The following RELN variants were observed in gnomAD, a reference collection of about 807,000 sequenced individuals.
The protein encoded by RELN is reelin.
In RELN, 108 loss-of-function variants were observed where a neutral mutation model predicts 427.6. The observed-to-expected ratio is 0.25, with a 90% CI of 0.22 to 0.30. RELN has a LOEUF of 0.30. Ranked by LOEUF, RELN falls within the 10% of genes least tolerant of loss-of-function variation. The pLI is 1.00. For missense variants in RELN, 3,715 were observed against 4,302.8 expected (o/e 0.86, Z 3.82); for synonymous variants, 1,524 against 1,513.4 (o/e 1.01, Z -0.16).
At chr7:103,919,883 G>A (rs1038311855) in intron 1 of RELN, among the ~76,000 whole-genome samples, 1 of 152,154 alleles carries the variant, frequency 6.6e-6, no homozygotes, top group African/African-American at 2.4e-5. Flanking sequence ...AAAAACTGAG[G>A]TTCACACTTG....
chr7:103,915,358 T>G (rs1008402309), intron 2 of RELN, among the ~76,000 whole-genome samples: 2 of 152,196 alleles, frequency 1.3e-5, no homozygotes, highest in African/African-American at 2.4e-5. Context: ...TGCCAGCCCC[T>G]AGCAAGGTTT....
At chr7:103,781,360 T>A (rs1437430313) in intron 3 of RELN, among the ~76,000 whole-genome samples, 1 of 152,116 alleles carries the variant, frequency 6.6e-6, no homozygotes, top group Non-Finnish European at 1.5e-5. Flanking sequence ...TAAATATATA[T>A]TATATATTCC....
chr7:103,658,689 CATTTTT>C (rs1387723195), intron 12 of RELN, among the ~76,000 whole-genome samples: 1 of 151,984 alleles, frequency 6.6e-6, no homozygotes, highest in Admixed American at 6.6e-5. Context: ...TTCAGTGACA[CATTTTT>C]ATTTTTATTT....
intron 6 of RELN, among the ~76,000 whole-genome samples, chr7:103,747,205 T>C (rs1186519511): frequency 6.9e-6 from 1 of 144,036 alleles, no homozygotes; most frequent in Non-Finnish European, 1.5e-5. Context: ...CAGGTAGTAA[T>C]TAAACAATGA....
At chr7:103,773,340 T>C (rs1791644418) in intron 4 of RELN, among the ~76,000 whole-genome samples, 1 of 44,648 alleles carries the variant, frequency 2.2e-5, no homozygotes, top group African/African-American at 1.6e-4. Flanking sequence ...TCTCCCTCGC[T>C]TCCTCTCTCT....
In RELN at chr7:103,486,309, T is replaced by C. The variant is rs1384119557; in HGVS notation, c.9871A>G (p.Ile3291Val). The change falls in exon 61 of 65, where the codon ATA becomes GTA. Residue 3291 changes from isoleucine to valine, a missense_variant. Around this residue, in one of 4 missense-constraint regions of RELN, gnomAD observed 195 missense variants for 281.3 expected, o/e 0.69. Transcript: ENST00000428762. ...ANWETIQGGV[I>V]GSGCGQLAPY... ...GCCAGCTGCCCACAGCCACTTCCTA[T>C]GACTCCACCTTGAATGGTCTCCCAG... The C allele has an allele frequency of 6.2e-7, 1 of 1,614,218 alleles. No individual in the cohort carries two copies. Among genetic ancestry groups the C allele is most frequent in the South Asian group, 1.1e-5 (1 of 91,084 alleles).
intron 6 of RELN, among the ~76,000 whole-genome samples, chr7:103,732,549 A>G (rs572687082): frequency 1.3e-5 from 2 of 152,258 alleles, no homozygotes; most frequent in East Asian, 3.9e-4. Flanking sequence ...TAATGGAGAC[A>G]AGGCAAGACC....
intron 1 of RELN, among the ~76,000 whole-genome samples, chr7:103,922,322 A>G (rs917409252): frequency 5.9e-5 from 9 of 152,138 alleles, no homozygotes; most frequent in Non-Finnish European, 8.8e-5. Context: ...TTTCTTTTAT[A>G]TATCTGTATT....
At chr7:103,677,405 TATAATAATAATA>T (rs370333905) in intron 11 of RELN, among the ~76,000 whole-genome samples, 4,717 of 134,390 alleles carry the variant, frequency 0.035, 225 homozygotes, top group African/African-American at 0.1. Flanking sequence ...GAACTTAAAG[TATAATAATAATA>T]ATAATAATAA....
intron 3 of RELN, among the ~76,000 whole-genome samples, chr7:103,832,909 G>A (rs763097873): frequency 3.5e-4 from 53 of 152,052 alleles, no homozygotes; most frequent in Non-Finnish European, 7.4e-4. Flanking sequence ...ATAGCATTTT[G>A]TAACCCGTCT....
intron 3 of RELN, among the ~76,000 whole-genome samples, chr7:103,784,012 G>T (rs189998116): frequency 5.5e-4 from 84 of 152,282 alleles, no homozygotes; most frequent in African/African-American, 1.9e-3. Flanking sequence ...CATTGGCAGA[G>T]TTATATATCC....
At chr7:103,944,254 T>C (rs876425) in intron 1 of RELN, among the ~76,000 whole-genome samples, 44,768 of 152,056 alleles carry the variant, frequency 0.29, 7,364 homozygotes, top group Non-Finnish European at 0.37. Flanking sequence ...ATTTTTTTTC[T>C]ACATAGAAAT....
intron 2 of RELN, among the ~76,000 whole-genome samples, chr7:103,893,638 T>A (rs1794896805): frequency 6.6e-6 from 1 of 152,198 alleles, no homozygotes; most frequent in African/African-American, 2.4e-5. Flanking sequence ...AGAGACCTTT[T>A]AAAGCAGTGA....
intron 27 of RELN, among the ~76,000 whole-genome samples, chr7:103,590,364 C>A (rs1831381211): frequency 6.6e-6 from 1 of 152,032 alleles, no homozygotes; most frequent in Admixed American, 6.5e-5. Flanking sequence ...GAGTTCAAGA[C>A]TAGCATGGCC....
intron 2 of RELN, among the ~76,000 whole-genome samples, chr7:103,846,265 G>T (rs1242876648): frequency 6.6e-6 from 1 of 152,160 alleles, no homozygotes; most frequent in Non-Finnish European, 1.5e-5. Context: ...AGAGGCCTCA[G>T]AAATAATGCC....
chr7:103,515,258 A>C lies in RELN; in HGVS notation c.8046T>G (p.His2682Gln). 6.2e-7 allele frequency: 1 copy of C among 1,613,814 alleles called. No individual in the cohort carries two copies. The highest frequency in any genetic ancestry group is 8.5e-7 in the Non-Finnish European group (1 of 1,179,930). ...DTFSSAPVPQ[H>Q]ERSPADAGPV... ...GGCCGGCATCTGCAGGGGAGCGCTC[A>C]TGCTGGGGTACTGGGGCGCTGCTGA... Residue 2682 changes from histidine (H) to glutamine (Q), a missense_variant, in exon 50 of 65, where the codon CAT becomes CAG. By Grantham distance (24) the His-to-Gln change is conservative. Coordinates refer to ENST00000428762, the MANE Select transcript of RELN (RefSeq NM_005045.4).
chr7:103,501,394 A>C (rs1829023823), intron 52 of RELN, among the ~76,000 whole-genome samples: 1 of 152,204 alleles, frequency 6.6e-6, no homozygotes, highest in Non-Finnish European at 1.5e-5. Context: ...CCCTGAAGAC[A>C]ATCAATATTC....
chr7:103,966,999 G>A (rs1174233705), intron 1 of RELN, among the ~76,000 whole-genome samples: 2 of 152,090 alleles, frequency 1.3e-5, no homozygotes, highest in Non-Finnish European at 2.9e-5. Context: ...TCCTTCCTGT[G>A]TAACTTCCCT....
At chr7:103,781,755 T>C (rs1439180262) in intron 3 of RELN, among the ~76,000 whole-genome samples, 1 of 152,038 alleles carries the variant, frequency 6.6e-6, no homozygotes, top group African/African-American at 2.4e-5. Context: ...CTCCAATTTG[T>C]AACACACAAT....
Sources: allele counts gnomAD v4.1 joint callset (sites outside exome capture counted in the v4.1 genomes callset), GRCh38; gene constraint gnomAD v4.1.1; regional missense constraint gnomAD v4.1.1; transcripts MANE v1.5; gene names NCBI Gene and HGNC (gene_info 2026-07-23, HGNC 2026-07-21).